The following TSNAX variants were observed in gnomAD, a reference collection of about 807,000 sequenced individuals.
TSNAX encodes the protein translin-associated protein X.
A neutral mutation model predicts 33.0 loss-of-function variants in TSNAX; 12 were observed. The observed-to-expected ratio is 0.36, with a 90% CI of 0.23 to 0.59. The LOEUF is 0.59. Ranked by LOEUF, TSNAX falls within the 20% of genes least tolerant of loss-of-function variation. TSNAX has a pLI of 0.74. For synonymous variants in TSNAX, 110 were observed against 117.2 expected (o/e 0.94, Z 0.40); for missense variants, 267 against 341.3 (o/e 0.78, Z 1.72).
intron 2 of TSNAX, among the ~76,000 whole-genome samples, chr1:231,532,064 A>G (rs1658757450): frequency 6.7e-6 from 1 of 149,310 alleles, no homozygotes; most frequent in Admixed American, 6.7e-5. Context: ...AGAGACCCTG[A>G]CTCAAAAAGG....
intron 3 of TSNAX, among the ~76,000 whole-genome samples, chr1:231,541,322 C>CT (rs917344203): frequency 6.6e-6 from 1 of 152,182 alleles, no homozygotes; most frequent in African/African-American, 2.4e-5. Flanking sequence ...ATACAAGAAT[C>CT]TTTTCACTTT....
chr1:231,553,920 A>T (rs1025965650), intron 4 of TSNAX, among the ~76,000 whole-genome samples: 4 of 152,138 alleles, frequency 2.6e-5, no homozygotes, highest in African/African-American at 9.7e-5. Context: ...TCCCAACCTC[A>T]GGTGATCCAC....
chr1:231,558,567 T>G (rs1660838551), intron 4 of TSNAX, among the ~76,000 whole-genome samples: 1 of 152,184 alleles, frequency 6.6e-6, no homozygotes. Flanking sequence ...TGTAAATCTT[T>G]GTGCATATCT....
intron 5 of TSNAX, among the ~76,000 whole-genome samples, chr1:231,561,787 A>G (rs569205030): frequency 1.3e-5 from 2 of 152,326 alleles, no homozygotes; most frequent in East Asian, 1.9e-4. Flanking sequence ...ACCTACCTCA[A>G]AGGGTTGTTT....
At chr1:231,531,373 T>G (rs1341038172) in intron 2 of TSNAX, among the ~76,000 whole-genome samples, 1 of 152,246 alleles carries the variant, frequency 6.6e-6, no homozygotes, top group African/African-American at 2.4e-5. Flanking sequence ...GAGTATCTGC[T>G]ATGTTCTCGC....
At chr1:231,539,817 CTT>C (rs1455595688) in intron 3 of TSNAX, among the ~76,000 whole-genome samples, 4 of 151,904 alleles carry the variant, frequency 2.6e-5, no homozygotes, top group African/African-American at 7.3e-5. Flanking sequence ...AAATAATAGA[CTT>C]CAGAAAAATA....
Position 231,565,002 on chromosome 1 carries a change from T to C in TSNAX, c.*97T>C. 7.1e-7 allele frequency: 1 copy of C among 1,400,358 alleles called. No homozygotes were observed. Among genetic ancestry groups the C allele is most frequent in the South Asian group, 1.4e-5 (1 of 70,140 alleles). 86.7% of individuals were successfully genotyped at this position (1,400,358 alleles called of 1,614,324 possible). On this transcript the variant is annotated 3_prime_UTR_variant, in exon 6 of 6. Transcript: ENST00000366639. ...TTTCATTTAACTTTATTGTGGCTTT[T>C]ACATAGAAACATATTCAGTTGTACT...
chr1:231,539,161 G>A (rs1273440313), intron 3 of TSNAX, among the ~76,000 whole-genome samples: 2 of 152,016 alleles, frequency 1.3e-5, no homozygotes, highest in East Asian at 1.9e-4. Context: ...AATAAGGCTT[G>A]TATTATCGAA....
chr1:231,562,162 G>GTTTAAATA, intron 5 of TSNAX, among the ~76,000 whole-genome samples: 1 of 147,340 alleles, frequency 6.8e-6, no homozygotes, highest in African/African-American at 2.5e-5. Flanking sequence ...TTAAATAATT[G>GTTTAAATA]TTTAAATATT....
chr1:231,542,445 C>G (rs376705840), intron 3 of TSNAX, 36 bp from the exon 4 acceptor site: 6 of 1,608,630 alleles, frequency 3.7e-6, no homozygotes, highest in Non-Finnish European at 5.1e-6. Flanking sequence ...GTTAAAGCAT[C>G]TGATGTTCTA....
chr1:231,549,817 G>A (rs562948568), intron 4 of TSNAX, among the ~76,000 whole-genome samples: 3 of 152,292 alleles, frequency 2.0e-5, no homozygotes, highest in South Asian at 2.1e-4. Context: ...AAGGTGCACC[G>A]ATTCCAAGAT....
At chr1:231,564,226 T>A (rs1159416002) in intron 5 of TSNAX, among the ~76,000 whole-genome samples, 1 of 152,236 alleles carries the variant, frequency 6.6e-6, no homozygotes, top group East Asian at 1.9e-4. Context: ...TGTTCAAGAA[T>A]ATTTTTATTT....
chr1:231,533,960 A>G lies in TSNAX; in HGVS notation c.122-3253A>G, dbSNP rs192974412. ...CAGTGCATATTTTGACAATTGTCTC[A>G]ATAAGGTTCCTTCCAGCTTTTTTTC... On this transcript the variant is annotated intron_variant, in intron 2 of 5. Coordinates refer to ENST00000366639, the MANE Select transcript of TSNAX (RefSeq NM_005999.3). Among the ~76,000 whole-genome samples, 131 of 152,340 alleles carry G rather than the reference A, an allele frequency of 8.6e-4. 1 individual carries two copies. Among genetic ancestry groups the G allele is most frequent in the Admixed American group, 2.6e-3 (40 of 15,310 alleles).
chr1:231,544,961 A>AAGTT, intron 4 of TSNAX, among the ~76,000 whole-genome samples: 1 of 152,334 alleles, frequency 6.6e-6, no homozygotes, highest in East Asian at 1.9e-4. Flanking sequence ...TATGATTTGT[A>AAGTT]AGTTTCCTTT....
chr1:231,548,361 C>G (rs1313135681), intron 4 of TSNAX, among the ~76,000 whole-genome samples: 1 of 152,176 alleles, frequency 6.6e-6, no homozygotes, highest in Admixed American at 6.5e-5. Context: ...ACTCAGTTCA[C>G]ACTGCTTGCA....
At chr1:231,558,250 A>G (rs1660815419) in intron 4 of TSNAX, among the ~76,000 whole-genome samples, 1 of 152,090 alleles carries the variant, frequency 6.6e-6, no homozygotes, top group Non-Finnish European at 1.5e-5. Context: ...AGTACAAAAG[A>G]AGCTGTCCCC....
intron 5 of TSNAX, among the ~76,000 whole-genome samples, chr1:231,563,949 C>T (rs920178224): frequency 6.6e-6 from 1 of 151,978 alleles, no homozygotes; most frequent in African/African-American, 2.4e-5. Context: ...ACTCAGCCAC[C>T]TGAATAAAGG....
chr1:231,559,570 C>G (rs952944748), intron 4 of TSNAX, among the ~76,000 whole-genome samples: 1 of 152,226 alleles, frequency 6.6e-6, no homozygotes, highest in East Asian at 1.9e-4. Context: ...CCTCGTGACC[C>G]GCTGGCCTTG....
chr1:231,551,951 C>T (rs187111387), intron 4 of TSNAX, among the ~76,000 whole-genome samples: 130 of 152,164 alleles, frequency 8.5e-4, no homozygotes, highest in African/African-American at 2.9e-3. Flanking sequence ...ACGATTGTGC[C>T]ACTGCACTCC....
Sources: gnomAD v4.1 joint callset for allele counts (sites outside exome capture counted in the v4.1 genomes callset) on GRCh38, gnomAD v4.1.1 for gene constraint, MANE v1.5 for transcripts, NCBI Gene and HGNC (gene_info 2026-07-23, HGNC 2026-07-21) for gene names.